PIH1D2: variants seen among roughly 807,000 people sequenced by gnomAD.
PIH1D2 encodes the protein PIH1 domain-containing protein 2.
In PIH1D2, 25 loss-of-function variants were observed where a neutral mutation model predicts 31.2. The ratio of observed to expected loss-of-function variants is 0.80; its 90% confidence interval spans 0.58 to 1.12. The LOEUF is 1.12. Ranked by LOEUF, PIH1D2 falls within the 50% of genes most tolerant of loss-of-function variation. The pLI, the probability that PIH1D2 is intolerant of heterozygous loss-of-function variation, is 0.00. For synonymous variants in PIH1D2, 116 were observed against 119.9 expected, an observed-to-expected ratio of 0.97 and a Z score of 0.21; for missense variants, 310 against 356.6, an observed-to-expected ratio of 0.87 and a Z score of 1.05.
At chr11:112,065,621 C>G (rs1391507316), downstream of PIH1D2, among the ~76,000 whole-genome samples, 3 of 151,978 alleles carry the variant, frequency 2.0e-5, no homozygotes, top group African/African-American at 7.3e-5. Flanking sequence ...CCAGGCCAGG[C>G]CTTCAAAAAG....
chr11:112,059,896 T>A (rs782558517), downstream of PIH1D2: 9 of 1,586,698 alleles, frequency 5.7e-6, no homozygotes, highest in Admixed American at 1.6e-4. Context: ...TTTTTCTTTT[T>A]AAACAGAAAT....
downstream of PIH1D2, among the ~76,000 whole-genome samples, chr11:112,059,699 T>A (rs1160470945): frequency 6.6e-6 from 1 of 152,128 alleles, no homozygotes; most frequent in African/African-American, 2.4e-5. Context: ...GGACCTCTCT[T>A]TGATTTTTAA....
At chr11:112,064,070 T>A (rs1864802102), downstream of PIH1D2, 9 of 1,059,906 alleles carry the variant, frequency 8.5e-6, no homozygotes, top group Non-Finnish European at 1.2e-5. Context: ...TTAATTTGAT[T>A]TTTCAGTAAT....
At chr11:112,059,757 A>G (rs970323199), downstream of PIH1D2, 2 of 627,326 alleles carry the variant, frequency 3.2e-6, no homozygotes, top group Admixed American at 6.2e-5. Context: ...AAATTAGGAT[A>G]GACATCTTAA....
chr11:112,062,656 T>C, downstream of PIH1D2: 2 of 1,182,340 alleles, frequency 1.7e-6, no homozygotes. Context: ...ATTGAGTCTG[T>C]CCAGATAAGT....
intron 5 of PIH1D2, among the ~76,000 whole-genome samples, chr11:112,068,958 T>C (rs1555184191): frequency 6.6e-6 from 1 of 151,568 alleles, no homozygotes; most frequent in African/African-American, 2.4e-5. Flanking sequence ...TTATGCTCTT[T>C]GTTAAAACCT....
rs781818312 is a variant in PIH1D2, at chr11:112,067,943, A to G, written c.876T>C (p.Ile292=). 1.2e-6 allele frequency: 2 copies of G among 1,609,078 alleles called. No homozygotes were observed. Among genetic ancestry groups the G allele is most frequent in the East Asian group, 2.2e-5 (1 of 44,734 alleles). Residue 292 remains isoleucine (I), a synonymous_variant, in exon 6 of 6, where the codon ATT becomes ATC. Coordinates refer to ENST00000280350, the MANE Select transcript of PIH1D2 (RefSeq NM_138789.4). ...YRLHLNLPKL[I]DTEMTTAKFI... ...ATTTTGCTGTGGTCATTTCAGTATC[A>G]ATAAGTTTTGGAAGATTCAGATGTA...
At chr11:112,054,378 G>A in the PIH1D2 span, among the ~76,000 whole-genome samples, 1 of 152,054 alleles carries the variant, frequency 6.6e-6, no homozygotes, top group African/African-American at 2.4e-5. Flanking sequence ...TTTAGAGTAT[G>A]TGTGTGTGTC....
rs1479482957 is a variant in PIH1D2 at position 112,070,479 on chromosome 11, G to C, written c.770C>G (p.Pro257Arg). The C allele has an allele frequency of 6.2e-7, 1 of 1,613,936 alleles. No homozygotes were observed. The highest frequency in any genetic ancestry group is 8.5e-7 in the Non-Finnish European group (1 of 1,179,884). ...ACAGAGAGAGACAGAATTAATACCA[G>C]GTAATTCAACTTTCAACTCAATTTT... ...PLKIELKVELPGINSVSLCDL... is the reference protein window; with the variant it reads ...PLKIELKVELRGINSVSLCDL... Residue 257 changes from proline (P) to arginine (R), a missense_variant, in exon 5 of 6, where the codon CCT becomes CGT. Physicochemically the swap from Pro to Arg is moderately radical, Grantham distance 103. Coordinates refer to ENST00000280350, the MANE Select transcript of PIH1D2 (RefSeq NM_138789.4).
At chr11:112,059,473 A>G (rs1566639845), downstream of PIH1D2, among the ~76,000 whole-genome samples, 1 of 151,070 alleles carries the variant, frequency 6.6e-6, no homozygotes, top group Non-Finnish European at 1.5e-5. Context: ...GCTCACTGCA[A>G]CCTCCACCTC....
At chr11:112,064,410 G>A, downstream of PIH1D2, 1 of 535,634 alleles carries the variant, frequency 1.9e-6, no homozygotes, top group Non-Finnish European at 3.2e-6. Context: ...TTTAATTTTT[G>A]GTCTGTTGGT....
At chr11:112,070,073 C>T (rs1555184338) in intron 5 of PIH1D2, 1 of 373,018 alleles carries the variant, frequency 2.7e-6, no homozygotes, top group Non-Finnish European at 4.9e-6. Flanking sequence ...ATTTGCTCTT[C>T]TGTAAGAGGA....
At chr11:112,064,950 C>T (rs1659962482), downstream of PIH1D2, among the ~76,000 whole-genome samples, 1 of 150,914 alleles carries the variant, frequency 6.6e-6, no homozygotes, top group Non-Finnish European at 1.5e-5. Flanking sequence ...AAGTGATTCT[C>T]CTGCCTCAGT....
chr11:112,062,660 G>A, downstream of PIH1D2: 1 of 1,166,490 alleles, frequency 8.6e-7, no homozygotes, highest in South Asian at 1.4e-5. Flanking sequence ...AGTCTGTCCA[G>A]ATAAGTTATT....
downstream of PIH1D2, among the ~76,000 whole-genome samples, chr11:112,059,677 G>A (rs1051122507): frequency 6.6e-6 from 1 of 152,186 alleles, no homozygotes; most frequent in African/African-American, 2.4e-5. Context: ...ACAGGCATGA[G>A]CCACCGTTCC....
chr11:112,069,884 G>A (rs953161615), intron 5 of PIH1D2: 12 of 157,336 alleles, frequency 7.6e-5, no homozygotes, highest in Non-Finnish European at 1.3e-4. Flanking sequence ...CATGACAGAT[G>A]GGACTGAGGG....
At chr11:112,053,079 T>C in the PIH1D2 span, among the ~76,000 whole-genome samples, 1 of 152,178 alleles carries the variant, frequency 6.6e-6, no homozygotes, top group African/African-American at 2.4e-5. Context: ...CTCAGCACTT[T>C]GAGAGGCCGA....
downstream of PIH1D2, among the ~76,000 whole-genome samples, chr11:112,062,094 A>T (rs782297845): frequency 1.3e-5 from 2 of 152,216 alleles, no homozygotes; most frequent in Non-Finnish European, 2.9e-5. Flanking sequence ...TCTGGGACAT[A>T]TGGCTGCTGT....
Position 112,070,707 on chromosome 11 carries a change from TG to T in PIH1D2, c.548-7del. On this transcript the variant is annotated splice_polypyrimidine_tract_variant and splice_region_variant and intron_variant, in intron 4 of 5. Transcript: ENST00000280350. ...TATCTGTCCAAGAGTTAGTTCTTTA[TG>T]AAAAAAAGGGTGGAGGGGAGATAAA... The T allele has an allele frequency of 1.3e-6, 2 of 1,598,864 alleles. No individual in the cohort carries two copies. Among genetic ancestry groups the T allele is most frequent in the Non-Finnish European group, 1.7e-6 (2 of 1,173,770 alleles).
Sources: allele counts gnomAD v4.1 joint callset (sites outside exome capture counted in the v4.1 genomes callset), GRCh38; gene constraint gnomAD v4.1.1; transcripts MANE v1.5; gene names NCBI Gene and HGNC (gene_info 2026-07-23, HGNC 2026-07-21).